TAF4: variants seen among roughly 807,000 people sequenced by gnomAD.
TAF4 encodes the protein transcription initiation factor TFIID subunit 4.
In TAF4, 9 loss-of-function variants were observed where a neutral mutation model predicts 90.3. The observed-to-expected ratio is 0.10, with a 90% CI of 0.06 to 0.17. TAF4 has a LOEUF of 0.17. Among genes scored for constraint, TAF4 ranks in the 10% least tolerant of loss-of-function variants. The pLI is 1.00. For missense variants in TAF4, 1,351 were observed against 1,370.7 expected (o/e 0.99, Z 0.23); for synonymous variants, 818 against 638.9 (o/e 1.28, Z -4.23).
intron 1 of TAF4, among the ~76,000 whole-genome samples, chr20:62,015,648 C>T (rs1019684195): frequency 2.6e-5 from 4 of 152,190 alleles, no homozygotes; most frequent in African/African-American, 9.7e-5. Flanking sequence ...GCACAGGGGG[C>T]GGCCACTGCG....
At chr20:61,991,647 G>A (rs980390809) in intron 14 of TAF4, among the ~76,000 whole-genome samples, 1 of 152,014 alleles carries the variant, frequency 6.6e-6, no homozygotes, top group African/African-American at 2.4e-5. Context: ...AAAATTAAGA[G>A]ACTGTAAAAA....
intron 1 of TAF4, among the ~76,000 whole-genome samples, chr20:62,016,982 A>AT (rs59290664): frequency 1.3e-5 from 2 of 151,490 alleles, no homozygotes; most frequent in African/African-American, 2.4e-5. Flanking sequence ...CAAAAAAAAA[A>AT]TTTTTTTTTA....
intron 1 of TAF4, among the ~76,000 whole-genome samples, chr20:62,020,534 G>C (rs924127354): frequency 3.9e-5 from 6 of 152,084 alleles, no homozygotes; most frequent in African/African-American, 1.4e-4. Flanking sequence ...AGCCTTTCTG[G>C]GTGTCTGGTA....
rs1252412367 is a variant in TAF4, at chr20:61,976,234, T to G, written c.3192A>C (p.Ile1064=). The G allele has an allele frequency of 6.2e-6, 10 of 1,614,026 alleles. No individual in the cohort carries two copies. The highest frequency in any genetic ancestry group is 8.5e-6 in the Non-Finnish European group (10 of 1,180,034). The change falls in exon 15 of 15, where the codon ATA becomes ATC. Residue 1064 remains isoleucine, a synonymous_variant. Coordinates refer to ENST00000252996, the MANE Select transcript of TAF4 (RefSeq NM_003185.4). ...TCTCACGTTCATTTTCTAAACAAAA[T>G]ATGAGGTCCCTGAGGTTGACCCGCG... ...RITRVNLRDL[I]FCLENERETS...
Position 62,039,687 on chromosome 20 carries a change from T to C in TAF4, c.1360+24764A>G, listed in dbSNP as rs1039206021. Among the ~76,000 whole-genome samples, 3 of 152,230 alleles carry C rather than the reference T, an allele frequency of 2.0e-5. No homozygotes were observed. The South Asian group carries it at 6.2e-4, about 31-fold the overall frequency. On this transcript the variant is annotated intron_variant, in intron 1 of 14. Coordinates refer to ENST00000252996, the MANE Select transcript of TAF4 (RefSeq NM_003185.4). ...TTGAAAACTTGCACTTTAAAACGCA[T>C]GCAGCTAAAAGAAAAGGCAAACACA... is the stretch of plus-strand genomic sequence containing the variant.
At position 62,064,785 on chromosome 20, in the gene TAF4, G is replaced by C; in HGVS notation, c.1026C>G (p.Val342=). ...CCACCCTCTTGGGCGACTCGGCCTT[G>C]ACCCCCGGCGCCGGCGCCGCAGCCG... ...GAAAAAPAPG[V]KAESPKRVVQ... Residue 342 remains valine, a synonymous_variant, in exon 1 of 15, where the codon GTC becomes GTG. Transcript: ENST00000252996. The C allele has an allele frequency of 9.4e-7, 1 of 1,067,118 alleles. No homozygotes were observed. The highest frequency in any genetic ancestry group is 1.1e-6 in the Non-Finnish European group (1 of 884,614). 66.1% of individuals were successfully genotyped at this position (1,067,118 alleles called of 1,614,324 possible). A position where few individuals can be genotyped will look rare whatever the true frequency, so the allele number is the denominator to read the frequency against.
intron 1 of TAF4, among the ~76,000 whole-genome samples, chr20:62,030,670 A>G (rs142636589): frequency 6.6e-6 from 1 of 152,224 alleles, no homozygotes; most frequent in Non-Finnish European, 1.5e-5. Context: ...TCCAATTAAC[A>G]TGCTTAGAGT....
intron 1 of TAF4, among the ~76,000 whole-genome samples, chr20:62,044,942 A>T (rs1329057084): frequency 6.6e-6 from 1 of 152,216 alleles, no homozygotes; most frequent in African/African-American, 2.4e-5. Flanking sequence ...GGCCAGGAGG[A>T]GACCCATGGG....
At position 62,015,320 on chromosome 20, in the gene TAF4, T is replaced by C. The variant is rs192719570; in HGVS notation, c.1361-613A>G. On this transcript the variant is annotated intron_variant, in intron 1 of 14. Transcript: ENST00000252996. ...GGACAGGAGAACCATTTGCCCGTCA[T>C]GGTTCTTGAGCTAAACCACAGGAAA... 3.5e-4 allele frequency among the ~76,000 whole-genome samples: 54 copies of C among 152,384 alleles called. 1 individual carries two copies. The East Asian group carries it at 0.01, about 28-fold the overall frequency.
chr20:62,043,932 C>G (rs1357905536), intron 1 of TAF4, among the ~76,000 whole-genome samples: 3 of 152,200 alleles, frequency 2.0e-5, no homozygotes, highest in Non-Finnish European at 4.4e-5. Context: ...CCACTGCAGG[C>G]TGGACGGGAA....
chr20:62,013,906 GGTGTGTGTGTGTGT>G (rs56801841), intron 2 of TAF4, among the ~76,000 whole-genome samples: 29 of 107,404 alleles, frequency 2.7e-4, no homozygotes, highest in South Asian at 1.0e-3. Flanking sequence ...GGCTGACGCG[GGTGTGTGTGTGTGT>G]GTGTGTGTGT....
At chr20:61,999,863 C>T (rs946868048) in intron 11 of TAF4, among the ~76,000 whole-genome samples, 2 of 152,210 alleles carry the variant, frequency 1.3e-5, no homozygotes, top group African/African-American at 4.8e-5. Flanking sequence ...GCACAAGAAT[C>T]GCTTGAACCC....
chr20:62,028,514 T>C (rs1442897024), intron 1 of TAF4, among the ~76,000 whole-genome samples: 2 of 152,150 alleles, frequency 1.3e-5, no homozygotes, highest in Non-Finnish European at 2.9e-5. Flanking sequence ...GGAACTTGTA[T>C]GTGCGTACGG....
At chr20:61,984,136 A>G (rs1021301028) in intron 14 of TAF4, among the ~76,000 whole-genome samples, 18 of 152,196 alleles carry the variant, frequency 1.2e-4, no homozygotes, top group African/African-American at 4.3e-4. Flanking sequence ...CGGAAGACTG[A>G]GCGACCTCAT....
At chr20:62,041,994 A>C (rs1352206032) in intron 1 of TAF4, among the ~76,000 whole-genome samples, 1 of 152,090 alleles carries the variant, frequency 6.6e-6, no homozygotes, top group Non-Finnish European at 1.5e-5. Flanking sequence ...AGGCAAGGAA[A>C]TACTGGGTAG....
intron 1 of TAF4, among the ~76,000 whole-genome samples, chr20:62,063,009 G>C (rs1051463898): frequency 6.6e-6 from 1 of 152,166 alleles, no homozygotes; most frequent in Non-Finnish European, 1.5e-5. Context: ...GATCAGCCAC[G>C]TTTCCTACTA....
chr20:62,021,307 A>AC (rs1172599630), intron 1 of TAF4, among the ~76,000 whole-genome samples: 1 of 152,278 alleles, frequency 6.6e-6, no homozygotes, highest in Admixed American at 6.5e-5. Context: ...ATGGGACTGA[A>AC]CCCCAAGGAA....
chr20:62,065,184 G>T lies in TAF4; in HGVS notation c.627C>A (p.His209Gln). Residue 209 changes from histidine (H) to glutamine (Q), a missense_variant, in exon 1 of 15, where the codon CAC (histidine) becomes CAA (glutamine). His to Gln is a conservative substitution (Grantham distance 24, BLOSUM62 0). Around this residue, in one of 9 missense-constraint regions of TAF4, gnomAD observed 782 missense variants for 536.6 expected, o/e 1.46. Coordinates refer to ENST00000252996, the MANE Select transcript of TAF4 (RefSeq NM_003185.4). ...NGSAALLNSHHAAAPAVSLVN... is the reference protein window; with the variant it reads ...NGSAALLNSHQAAAPAVSLVN... ...CCAGGCTGACAGCAGGTGCGGCGGCGTGGTGCGAGTTCAGCAGCGCGGCGC... is the reference window on the plus strand; with the variant it reads ...CCAGGCTGACAGCAGGTGCGGCGGCTTGGTGCGAGTTCAGCAGCGCGGCGC... 1 of 1,209,438 alleles carries T rather than the reference G, an allele frequency of 8.3e-7. No individual in the cohort carries two copies. The highest frequency in any genetic ancestry group is 1.4e-5 in the South Asian group (1 of 72,494). The allele number at this position is 1,209,438 out of a possible 1,614,324, so 74.9% of individuals were successfully genotyped here.
intron 14 of TAF4, among the ~76,000 whole-genome samples, chr20:61,979,829 G>A (rs1023299930): frequency 2.0e-5 from 3 of 150,984 alleles, no homozygotes; most frequent in African/African-American, 4.9e-5. Flanking sequence ...GAGGGACTGC[G>A]GCCCGTGCAG....
Sources: gnomAD v4.1 joint callset for allele counts (sites outside exome capture counted in the v4.1 genomes callset) on GRCh38, gnomAD v4.1.1 for gene constraint, gnomAD v4.1.1 regional missense constraint, MANE v1.5 for transcripts, NCBI Gene and HGNC (gene_info 2026-07-23, HGNC 2026-07-21) for gene names.